The following MYO1E variants were observed in gnomAD, a reference collection of about 807,000 sequenced individuals.
MYO1E encodes unconventional myosin-Ie.
Under a neutral mutation model 151.1 loss-of-function variants are expected in MYO1E, and 68 were observed. The ratio of observed to expected loss-of-function variants is 0.45; its 90% CI spans 0.37 to 0.55. MYO1E has a LOEUF of 0.55. Among genes scored for constraint, MYO1E ranks in the 20% least tolerant of loss-of-function variants. MYO1E has a pLI of 0.00. For synonymous variants in MYO1E, 601 were observed against 501.7 expected (o/e 1.20, Z -2.64); for missense variants, 1,363 against 1,389.3 (o/e 0.98, Z 0.30).
At position 59,341,185 on chromosome 15, in the gene MYO1E, C is replaced by G. The variant is rs1164782991; in HGVS notation, c.3+31313G>C. ...ATGATCGAAAATGGGGTATCCACAC[C>G]CTCAAGGATTTATCCTTTGTGTTTC... On this transcript the variant is annotated intron_variant, in intron 1 of 27. Coordinates refer to ENST00000288235, the MANE Select transcript of MYO1E (RefSeq NM_004998.4). 2 of 152,014 alleles carry G rather than the reference C, an allele frequency of 1.3e-5. 1 individual carries two copies. Among genetic ancestry groups the G allele is most frequent in the African/African-American group, 4.8e-5 (2 of 41,476 alleles). 9.4% of individuals were successfully genotyped at this position (152,014 alleles called of 1,614,324 possible).
intron 2 of MYO1E, among the ~76,000 whole-genome samples, chr15:59,262,559 C>T (rs76386238): frequency 0.013 from 1,971 of 152,142 alleles, 18 homozygotes; most frequent in Non-Finnish European, 0.022. Context: ...GGCCAGGAGT[C>T]GGAGGTTGCA....
chr15:59,184,381 C>T (rs1259241217), intron 18 of MYO1E, among the ~76,000 whole-genome samples: 2 of 151,842 alleles, frequency 1.3e-5, no homozygotes, highest in African/African-American at 4.8e-5. Flanking sequence ...TTTTGAGACA[C>T]AGTCTTGCTC....
At chr15:59,149,722 A>G (rs2079465029) in intron 26 of MYO1E, among the ~76,000 whole-genome samples, 2 of 152,224 alleles carry the variant, frequency 1.3e-5, no homozygotes, top group African/African-American at 4.8e-5. Context: ...AATTACAGAA[A>G]AAGTGCACTG....
intron 1 of MYO1E, among the ~76,000 whole-genome samples, chr15:59,277,559 A>AC (rs759403515): frequency 0.18 from 26,187 of 147,208 alleles, 2,507 homozygotes; most frequent in African/African-American, 0.2. Flanking sequence ...AAAAAAAAAA[A>AC]AAAAAAAAAA....
chr15:59,364,999 G>T (rs181113546), intron 1 of MYO1E, among the ~76,000 whole-genome samples: 1 of 151,860 alleles, frequency 6.6e-6, no homozygotes, highest in African/African-American at 2.4e-5. Context: ...GGGTGTGGGG[G>T]TACTTTGGGT....
At chr15:59,353,369 A>AAAAAAAAAAAAAAAAAAAAAAAAAAG (rs1178465167) in intron 1 of MYO1E, among the ~76,000 whole-genome samples, 1 of 96,850 alleles carries the variant, frequency 1.0e-5, no homozygotes, top group Non-Finnish European at 1.9e-5. Flanking sequence ...AAAAAAAAAA[A>AAAAAAAAAAAAAAAAAAAAAAAAAAG]AAAAGAAAAG....
intron 1 of MYO1E, among the ~76,000 whole-genome samples, chr15:59,293,346 G>T (rs1424575411): frequency 1.3e-5 from 2 of 152,094 alleles, no homozygotes; most frequent in African/African-American, 4.8e-5. Context: ...AGGAGTTTGA[G>T]ACCAGCCTGG....
chr15:59,281,429 C>T (rs1383545923), intron 1 of MYO1E, among the ~76,000 whole-genome samples: 1 of 152,034 alleles, frequency 6.6e-6, no homozygotes, highest in East Asian at 1.9e-4. Flanking sequence ...GCGTGCACTA[C>T]CACACCAAGC....
At chr15:59,371,916 C>T (rs1367938212) in intron 1 of MYO1E, among the ~76,000 whole-genome samples, 2 of 150,894 alleles carry the variant, frequency 1.3e-5, no homozygotes, top group African/African-American at 2.4e-5. Flanking sequence ...CCCCCGCCTG[C>T]CTTTGTGCGG....
chr15:59,346,110 G>A (rs1358975916), intron 1 of MYO1E, among the ~76,000 whole-genome samples: 2 of 152,084 alleles, frequency 1.3e-5, no homozygotes, highest in Non-Finnish European at 2.9e-5. Flanking sequence ...CAAAGGTCTG[G>A]CTCCCACTTC....
intron 1 of MYO1E, among the ~76,000 whole-genome samples, chr15:59,305,895 T>G (rs140218603): frequency 3.9e-5 from 6 of 152,186 alleles, no homozygotes; most frequent in African/African-American, 1.4e-4. Flanking sequence ...TGGGGGCCCA[T>G]AAGGATGAGG....
At chr15:59,261,634 CTAAAAGATTACAAG>C (rs2080224979) in intron 2 of MYO1E, 125 bp from the exon 3 acceptor site, 2 of 693,906 alleles carry the variant, frequency 2.9e-6, no homozygotes, top group Non-Finnish European at 5.2e-6. Flanking sequence ...TACTTGTTTT[CTAAAAGATTACAAG>C]TAAAGACGAA....
At chr15:59,149,038 G>GTTTTTTTTTTTTTTGT (rs796601875) in intron 26 of MYO1E, among the ~76,000 whole-genome samples, 1 of 89,556 alleles carries the variant, frequency 1.1e-5, no homozygotes, top group African/African-American at 4.5e-5. Context: ...TGGATGAACT[G>GTTTTTTTTTTTTTTGT]TTTTTTTTTT....
chr15:59,177,705 C>G (rs557791999), intron 19 of MYO1E, among the ~76,000 whole-genome samples: 2 of 152,222 alleles, frequency 1.3e-5, no homozygotes, highest in African/African-American at 2.4e-5. Flanking sequence ...TGACCACACT[C>G]TCATCAGGAA....
intron 1 of MYO1E, among the ~76,000 whole-genome samples, chr15:59,361,375 A>C (rs746507136): frequency 7.9e-5 from 12 of 152,228 alleles, no homozygotes; most frequent in Non-Finnish European, 1.8e-4. Flanking sequence ...AGATGTATTG[A>C]ACATTGGGAG....
intron 14 of MYO1E, among the ~76,000 whole-genome samples, chr15:59,205,782 C>G (rs1426706137): frequency 1.3e-5 from 2 of 152,162 alleles, no homozygotes; most frequent in East Asian, 3.9e-4. Context: ...CTCCAGCTCT[C>G]AAGTCCCCAT....
At chr15:59,138,668 A>C (rs1360525862) in intron 26 of MYO1E, among the ~76,000 whole-genome samples, 1 of 152,214 alleles carries the variant, frequency 6.6e-6, no homozygotes, top group Admixed American at 6.5e-5. Context: ...GTATACCCAT[A>C]CATTTAAATC....
At chr15:59,361,412 A>C (rs370246871) in intron 1 of MYO1E, among the ~76,000 whole-genome samples, 1 of 152,216 alleles carries the variant, frequency 6.6e-6, no homozygotes, top group East Asian at 1.9e-4. Context: ...CTCTTTACAC[A>C]ATAGTCAGTG....
At chr15:59,192,503 T>A (rs577208751) in intron 17 of MYO1E, among the ~76,000 whole-genome samples, 4 of 152,264 alleles carry the variant, frequency 2.6e-5, no homozygotes, top group African/African-American at 9.6e-5. Flanking sequence ...AGTAGAACTA[T>A]CTACGTGGGG....
Sources: allele counts gnomAD v4.1 joint callset (sites outside exome capture counted in the v4.1 genomes callset), GRCh38; gene constraint gnomAD v4.1.1; transcripts MANE v1.5; gene names NCBI Gene and HGNC (gene_info 2026-07-23, HGNC 2026-07-21).